The following KHDRBS2 variants were observed in gnomAD, a reference collection of about 807,000 sequenced individuals.
KHDRBS2 encodes KH domain-containing, RNA-binding, signal transduction-associated protein 2.
KHDRBS2 carries 26 observed loss-of-function variants against 44.3 expected under a neutral mutation model. That is an observed-to-expected ratio of 0.59 (90% CI 0.43 to 0.81). The LOEUF is 0.81. Ranked by LOEUF, KHDRBS2 falls within the 40% of genes least tolerant of loss-of-function variation. The pLI is 0.00. For synonymous variants in KHDRBS2, 194 were observed against 151.1 expected, an observed-to-expected ratio of 1.28 and a Z score of -2.08; for missense variants, 476 against 433.1, an observed-to-expected ratio of 1.10 and a Z score of -0.88.
At chr6:61,754,030 A>T (rs1778122977) in intron 6 of KHDRBS2, among the ~76,000 whole-genome samples, 1 of 152,142 alleles carries the variant, frequency 6.6e-6, no homozygotes, top group Admixed American at 6.5e-5. Context: ...ATTCTCCCCC[A>T]GATCCTCCAG....
At chr6:62,105,091 T>A (rs1265117241) in intron 2 of KHDRBS2, among the ~76,000 whole-genome samples, 1 of 152,006 alleles carries the variant, frequency 6.6e-6, no homozygotes, top group Admixed American at 6.6e-5. Context: ...AGGAAGAAAA[T>A]GATCATTTGT....
intron 6 of KHDRBS2, among the ~76,000 whole-genome samples, chr6:61,776,860 T>A (rs867608768): frequency 6.6e-6 from 1 of 152,168 alleles, no homozygotes; most frequent in African/African-American, 2.4e-5. Context: ...GTGGCACTAT[T>A]CACAATAGGA....
intron 7 of KHDRBS2, among the ~76,000 whole-genome samples, chr6:61,708,335 A>G (rs1262000346): frequency 6.6e-6 from 1 of 151,572 alleles, no homozygotes; most frequent in Non-Finnish European, 1.5e-5. Flanking sequence ...AAATTGAAAA[A>G]TTGATCATTT....
At position 61,930,381 on chromosome 6, in the gene KHDRBS2, G is replaced by C. The variant is rs9363520; in HGVS notation, c.484-29010C>G. On this transcript the variant is annotated intron_variant, in intron 4 of 8. Coordinates refer to ENST00000281156, the MANE Select transcript of KHDRBS2 (RefSeq NM_152688.4). The stretch of plus-strand genomic sequence containing the variant: ...TTCTATTTGTAAAGACAATGAAACA[G>C]AAGTGTTAAGAAAGAACTAGTTCTC... Among the ~76,000 whole-genome samples the C allele has an allele frequency of 3.9e-5, 6 of 151,980 alleles. No individual in the cohort carries two copies. In the East Asian group the frequency reaches 1.2e-3, roughly 29 times the overall value.
chr6:61,771,864 C>G (rs754335609), intron 6 of KHDRBS2, among the ~76,000 whole-genome samples: 67 of 152,252 alleles, frequency 4.4e-4, no homozygotes, highest in South Asian at 4.1e-4. Context: ...AACTCTCCAC[C>G]CCAAATCAAC....
chr6:61,563,383 G>A, the KHDRBS2 span, among the ~76,000 whole-genome samples: 4 of 152,132 alleles, frequency 2.6e-5, no homozygotes, highest in South Asian at 6.2e-4. Context: ...TGAGTTAGAA[G>A]GTTTTAAACC....
At chr6:62,150,034 G>C (rs1444974360) in intron 2 of KHDRBS2, among the ~76,000 whole-genome samples, 1 of 152,106 alleles carries the variant, frequency 6.6e-6, no homozygotes, top group East Asian at 1.9e-4. Flanking sequence ...GGCTGGTACA[G>C]AGTACATCCT....
chr6:62,198,909 C>T (rs1023757552), intron 1 of KHDRBS2, among the ~76,000 whole-genome samples: 2 of 152,082 alleles, frequency 1.3e-5, no homozygotes, highest in African/African-American at 4.8e-5. Flanking sequence ...GGGCTTCATC[C>T]CTGGGAAGCG....
downstream of KHDRBS2, among the ~76,000 whole-genome samples, chr6:61,679,478 TAC>T (rs1246885020): frequency 1.3e-5 from 2 of 151,964 alleles, no homozygotes; most frequent in Non-Finnish European, 2.9e-5. Context: ...TAGGCAAAAT[TAC>T]AGAGTTACTA....
chr6:62,007,400 A>G (rs1163892465), intron 3 of KHDRBS2, among the ~76,000 whole-genome samples: 2 of 148,628 alleles, frequency 1.3e-5, no homozygotes, highest in Non-Finnish European at 3.0e-5. Context: ...TTACATTTTG[A>G]TGTTTTTTTT....
rs191125959 is a variant in KHDRBS2 at position 61,903,869 on chromosome 6, C to T, written c.484-2498G>A. Among the ~76,000 whole-genome samples, 12 of 152,232 alleles carry T rather than the reference C, an allele frequency of 7.9e-5. No individual in the cohort carries two copies. The East Asian group carries it at 1.2e-3, about 15-fold the overall frequency. On this transcript the variant is annotated intron_variant, in intron 4 of 8. Coordinates refer to ENST00000281156, the MANE Select transcript of KHDRBS2 (RefSeq NM_152688.4). ...TCCCTGCTCTCCCTGCCATCATGTC[C>T]GAGCACCCAAACATAACAGTGAGGA...
chr6:62,257,562 T>A (rs1724615346), intron 1 of KHDRBS2, among the ~76,000 whole-genome samples: 1 of 152,086 alleles, frequency 6.6e-6, no homozygotes, highest in Admixed American at 6.6e-5. Context: ...ACTGTGAATA[T>A]TAAGTTAGTG....
At chr6:62,045,075 C>T (rs1787385759) in intron 3 of KHDRBS2, among the ~76,000 whole-genome samples, 1 of 151,630 alleles carries the variant, frequency 6.6e-6, no homozygotes, top group African/African-American at 2.4e-5. Flanking sequence ...GCTATAAGAA[C>T]ATGAAGGAAA....
the KHDRBS2 span, among the ~76,000 whole-genome samples, chr6:61,670,313 T>G: frequency 6.6e-6 from 1 of 151,530 alleles, no homozygotes; most frequent in African/African-American, 2.4e-5. Context: ...CAATTTGTGC[T>G]TCATTAAAGG....
intron 2 of KHDRBS2, among the ~76,000 whole-genome samples, chr6:62,104,444 G>A (rs774948288): frequency 4.5e-4 from 69 of 151,872 alleles, no homozygotes; most frequent in Non-Finnish European, 7.8e-4. Context: ...GTCATGCATC[G>A]TTATGTTCTA....
intron 2 of KHDRBS2, among the ~76,000 whole-genome samples, chr6:62,107,329 A>G (rs939045468): frequency 3.9e-5 from 6 of 152,332 alleles, no homozygotes; most frequent in Admixed American, 2.0e-4. Context: ...ATCATGAGTG[A>G]ACTCCCATTC....
intron 4 of KHDRBS2, among the ~76,000 whole-genome samples, chr6:61,967,670 A>C (rs1203793180): frequency 6.6e-6 from 1 of 151,786 alleles, no homozygotes; most frequent in Non-Finnish European, 1.5e-5. Flanking sequence ...AAAGTGAATA[A>C]GCACACAGAG....
chr6:61,684,359 G>C (rs1431016085), intron 8 of KHDRBS2, among the ~76,000 whole-genome samples: 1 of 151,858 alleles, frequency 6.6e-6, no homozygotes, highest in Non-Finnish European at 1.5e-5. Context: ...GCATGGAAGA[G>C]GCCCAAACAT....
chr6:61,595,728 A>G, the KHDRBS2 span, among the ~76,000 whole-genome samples: 3 of 151,864 alleles, frequency 2.0e-5, no homozygotes, highest in South Asian at 4.1e-4. Context: ...TCAATTTTTC[A>G]TTAATTAACA....
Sources: gnomAD v4.1 joint callset for allele counts (sites outside exome capture counted in the v4.1 genomes callset) on GRCh38, gnomAD v4.1.1 for gene constraint, MANE v1.5 for transcripts, NCBI Gene and HGNC (gene_info 2026-07-23, HGNC 2026-07-21) for gene names.